Variants in UTP11 observed in about 807,000 individuals in gnomAD.
The protein encoded by UTP11 is probable U3 small nucleolar RNA-associated protein 11.
In UTP11, 29 loss-of-function variants were observed where a neutral mutation model predicts 39.0. The ratio of observed to expected loss-of-function variants is 0.74; its 90% confidence interval spans 0.55 to 1.01. The LOEUF is 1.01. Among genes scored for constraint, UTP11 ranks in the 50% least tolerant of loss-of-function variants. The pLI, the probability that UTP11 is intolerant of heterozygous loss-of-function variation, is 0.00. For missense variants in UTP11, 281 were observed against 306.0 expected (o/e 0.92, Z 0.61); for synonymous variants, 111 against 105.0 (o/e 1.06, Z -0.35).
rs1452367718 is a variant in UTP11, at chr1:38,024,217, G to A, written c.*589G>A. The stretch of plus-strand genomic sequence containing the variant: ...AGATTAATTCATTCCTAATCCCAGT[G>A]CTTATTCAATAATAACAAATATTTA... On this transcript the variant is annotated 3_prime_UTR_variant, in exon 8 of 8. Transcript: ENST00000373014. 8.5e-5 allele frequency: 13 copies of A among 152,196 alleles called. No homozygotes were observed. The highest frequency in any genetic ancestry group is 7.9e-4 in the Admixed American group (12 of 15,276). The allele number at this position is 152,196 out of a possible 1,614,324, so 9.4% of individuals were successfully genotyped here.
chr1:38,017,539 G>C (rs1418466775), intron 2 of UTP11, 129 bp from the exon 3 acceptor site: 1 of 654,090 alleles, frequency 1.5e-6, no homozygotes, highest in Non-Finnish European at 2.5e-6. Flanking sequence ...CAGTGCTTTT[G>C]GCTTTTTTGA....
At chr1:38,018,633 C>A in intron 4 of UTP11, 56 bp downstream of exon 4, 2 of 1,279,942 alleles carry the variant, frequency 1.6e-6, no homozygotes, top group South Asian at 2.6e-5. Context: ...AACTTAAATT[C>A]ATCAATCTCA....
chr1:38,013,106 T>C lies in UTP11; in HGVS notation c.63+241T>C, dbSNP rs534015622. Reference sequence around the variant, plus strand: ...CTTTCCTTGGGGATATAAAACCTGCTCTGGAAGATTTCAGTGTGGTGATTG... The same window carrying C: ...CTTTCCTTGGGGATATAAAACCTGCCCTGGAAGATTTCAGTGTGGTGATTG... On this transcript the variant is annotated intron_variant, in intron 1 of 7. Transcript: ENST00000373014. Among the ~76,000 whole-genome samples the C allele has an allele frequency of 3.9e-5, 6 of 152,362 alleles. No homozygotes were observed. In the South Asian group the frequency reaches 1.0e-3, roughly 26 times the overall value.
intron 3 of UTP11, 22 bp from the exon 4 acceptor site, chr1:38,018,442 A>G (rs1646718080): frequency 4.6e-6 from 7 of 1,532,996 alleles, no homozygotes; most frequent in East Asian, 2.3e-5. Context: ...TAGGGAATAT[A>G]TCTTTTAAAT....
rs1198164990 is a variant in UTP11 at position 38,019,347 on chromosome 1, A to G, written c.531A>G (p.Glu177=). 5 of 1,614,116 alleles carry G rather than the reference A, an allele frequency of 3.1e-6. No homozygotes were observed. The Middle Eastern group carries it at 4.9e-4, about 160-fold the overall frequency. ...CCAGGATAGAGACCTTGCAGAAAGA[A>G]AAAGTGAAAGGAGTTACCAATCAGA... ...NRPRIETLQK[E]KVKGVTNQTG... is the part of the protein sequence containing the mutation. The change falls in exon 6 of 8, where the codon GAA becomes GAG. Residue 177 remains glutamate, a synonymous_variant. Transcript: ENST00000373014.
At chr1:38,018,977 G>C (rs1646721139) in intron 4 of UTP11, 82 bp from the exon 5 acceptor site, 1 of 1,181,582 alleles carries the variant, frequency 8.5e-7, no homozygotes, top group Non-Finnish European at 1.2e-6. Context: ...GATGTGAAAT[G>C]GTTTAAACTT....
Position 38,022,699 on chromosome 1 carries a change from C to A in UTP11, c.568C>A (p.Arg190=), listed in dbSNP as rs201085753. The A allele has an allele frequency of 2.5e-6, 4 of 1,607,854 alleles. No individual in the cohort carries two copies. Among genetic ancestry groups the A allele is most frequent in the African/African-American group, 2.7e-5 (2 of 74,754 alleles). The stretch of plus-strand genomic sequence containing the variant: ...GAGAATGTGTGTGTTTCTTCTCCAG[C>A]GAATAGCTAAAGAAAGGCAAAAGCA... ...KGVTNQTGLK[R]IAKERQKQYN... The change falls in exon 7 of 8, where the codon CGA becomes AGA. Residue 190 remains arginine (R), a splice_region_variant and synonymous_variant. Transcript: ENST00000373014.
At chr1:38,020,641 T>C (rs977484026) in intron 6 of UTP11, among the ~76,000 whole-genome samples, 17 of 152,244 alleles carry the variant, frequency 1.1e-4, no homozygotes, top group African/African-American at 4.1e-4. Flanking sequence ...CAATGTTTAA[T>C]TTCACAGCAG....
chr1:38,019,030 A>C, intron 4 of UTP11, 29 bp from the exon 5 acceptor site: 2 of 1,566,014 alleles, frequency 1.3e-6, no homozygotes, highest in Non-Finnish European at 1.7e-6. Flanking sequence ...AGAATCTAAT[A>C]TAAAGTGAGA....
chr1:38,019,025 C>A lies in UTP11; in HGVS notation c.343-34C>A. On this transcript the variant is annotated intron_variant, in intron 4 of 7. Coordinates refer to ENST00000373014, the MANE Select transcript of UTP11 (RefSeq NM_016037.4). Reference sequence around the variant, plus strand: ...TTTTTTTTTGGTACCCTAGAAGAATCTAATATAAAGTGAGACCATATTCTG... The same window carrying A: ...TTTTTTTTTGGTACCCTAGAAGAATATAATATAAAGTGAGACCATATTCTG... 3.5e-6 allele frequency: 5 copies of A among 1,433,292 alleles called. No homozygotes were observed. The South Asian group carries it at 3.7e-5, about 11-fold the overall frequency. 88.8% of individuals were successfully genotyped at this position (1,433,292 alleles called of 1,614,324 possible).
Position 38,023,534 on chromosome 1 carries a change from C to T in UTP11, c.679-11C>T, listed in dbSNP as rs1646749453. 4.4e-6 allele frequency: 7 copies of T among 1,604,266 alleles called. No homozygotes were observed. The highest frequency in any genetic ancestry group is 1.7e-5 in the Admixed American group (1 of 57,920). ...CTTCTCTTTACTGATCACCTTTTTACTCTTTTGTAGGATAAAACTCAGAAA... is the reference window on the plus strand; with the variant it reads ...CTTCTCTTTACTGATCACCTTTTTATTCTTTTGTAGGATAAAACTCAGAAA... On this transcript the variant is annotated splice_polypyrimidine_tract_variant and intron_variant, in intron 7 of 7. Coordinates refer to ENST00000373014, the MANE Select transcript of UTP11 (RefSeq NM_016037.4).
intron 6 of UTP11, 129 bp from the exon 7 acceptor site, chr1:38,022,570 T>C (rs1570503458): frequency 1.5e-6 from 1 of 651,054 alleles, no homozygotes; most frequent in East Asian, 2.8e-5. Flanking sequence ...GTTACCACGT[T>C]ATGTTGATTC....
At chr1:38,021,072 C>T (rs1646734247) in intron 6 of UTP11, among the ~76,000 whole-genome samples, 1 of 152,140 alleles carries the variant, frequency 6.6e-6, no homozygotes, top group South Asian at 2.1e-4. Context: ...CAGGTGCCCG[C>T]CACCACGCCT....
chr1:38,019,236 A>G lies in UTP11; in HGVS notation c.437-17A>G, dbSNP rs371955720. The G allele has an allele frequency of 2.5e-6, 4 of 1,613,980 alleles. No homozygotes were observed. The highest frequency in any genetic ancestry group is 1.3e-5 in the African/African-American group (1 of 74,978). The stretch of plus-strand genomic sequence containing the variant: ...GTTAGAAACCGACAGTGCCTTAAGG[A>G]TTGTCTTGAATTTTAGTTGAACAGT... On this transcript the variant is annotated splice_polypyrimidine_tract_variant and intron_variant, in intron 5 of 7. Coordinates refer to ENST00000373014, the MANE Select transcript of UTP11 (RefSeq NM_016037.4).
chr1:38,022,920 A>G, intron 7 of UTP11, 111 bp downstream of exon 7: 1 of 738,378 alleles, frequency 1.4e-6, no homozygotes, highest in Non-Finnish European at 2.2e-6. Context: ...CCCAGTGAAA[A>G]TGTCTGCTCC....
intron 1 of UTP11, 133 bp from the exon 2 acceptor site, chr1:38,016,226 G>A: frequency 1.2e-6 from 1 of 869,098 alleles, no homozygotes; most frequent in Non-Finnish European, 1.9e-6. Context: ...GAGGGAACAG[G>A]GTCATGGGTT....
rs1646751796 is a variant in UTP11, at chr1:38,023,968, G to C, written c.*340G>C. On this transcript the variant is annotated 3_prime_UTR_variant, in exon 8 of 8. Coordinates refer to ENST00000373014, the MANE Select transcript of UTP11 (RefSeq NM_016037.4). Reference sequence around the variant, plus strand: ...TCTTCCTGCATCAGCCTCTTGAGTAGCTGGGACCACAGACATGTGCCACCA... The same window carrying C: ...TCTTCCTGCATCAGCCTCTTGAGTACCTGGGACCACAGACATGTGCCACCA... The C allele has an allele frequency of 5.9e-6, 1 of 168,096 alleles. No homozygotes were observed. The highest frequency in any genetic ancestry group is 1.3e-5 in the Non-Finnish European group (1 of 78,882). The allele number at this position is 168,096 out of a possible 1,614,324, so 10.4% of individuals were successfully genotyped here.
In UTP11 at chr1:38,023,639, A is replaced by G; in HGVS notation, c.*11A>G. 2 of 1,601,138 alleles carry G rather than the reference A, an allele frequency of 1.2e-6. No homozygotes were observed. Among genetic ancestry groups the G allele is most frequent in the Non-Finnish European group, 1.7e-6 (2 of 1,174,970 alleles). ...CGTCGAAAACGTTGACGTGTTATAG[A>G]TAAGCCTTGTCATTCTGTATCAAAA... On this transcript the variant is annotated 3_prime_UTR_variant, in exon 8 of 8. Transcript: ENST00000373014.
At chr1:38,012,923 C>G in intron 1 of UTP11, 58 bp downstream of exon 1, 1 of 1,607,812 alleles carries the variant, frequency 6.2e-7, no homozygotes, top group East Asian at 2.2e-5. Context: ...TACCCTTGCC[C>G]CAACCCTGTC....
Sources: gnomAD v4.1 joint callset for allele counts (sites outside exome capture counted in the v4.1 genomes callset) on GRCh38, gnomAD v4.1.1 for gene constraint, MANE v1.5 for transcripts, NCBI Gene and HGNC (gene_info 2026-07-23, HGNC 2026-07-21) for gene names.